NOS1: variants seen among roughly 807,000 people sequenced by gnomAD.
The protein encoded by NOS1 is NOS type I.
A neutral mutation model predicts 164.5 loss-of-function variants in NOS1; 51 were observed. The observed-to-expected ratio is 0.31, with a 90% CI of 0.25 to 0.39. The LOEUF is 0.39. NOS1 is among the 10% of genes least tolerant of loss of function. The pLI is 1.00. For missense variants in NOS1, 1,362 were observed against 1,885.6 expected (o/e 0.72, Z 5.14); for synonymous variants, 719 against 745.8 (o/e 0.96, Z 0.59).
At position 117,234,572 on chromosome 12, in the gene NOS1, C is replaced by T. The variant is rs749542422; in HGVS notation, c.3228G>A (p.Thr1076=). The change falls in exon 21 of 29, where the codon ACG becomes ACA. Residue 1076 remains threonine, a synonymous_variant. Coordinates refer to ENST00000317775, the MANE Select transcript of NOS1 (RefSeq NM_000620.5). This position sits in a 1 kb window ranked among gnomAD's most constrained non-coding sequence, Gnocchi z 4.3. The part of the protein sequence containing the change: ...VKVELLEERN[T]ALGVISNWTD... ...GGTCCCCGGGAATGTTACCTAAAGC[C>T]GTGTTCCGCTCCTCCAGCAGTTCCA... 2.4e-5 allele frequency: 38 copies of T among 1,613,222 alleles called. No individual in the cohort carries two copies. Among genetic ancestry groups the T allele is most frequent in the Non-Finnish European group, 2.9e-5 (34 of 1,179,482 alleles).
chr12:117,249,949 G>A (rs1870957196), intron 17 of NOS1, among the ~76,000 whole-genome samples: 2 of 152,158 alleles, frequency 1.3e-5, no homozygotes, highest in East Asian at 3.9e-4. Flanking sequence ...CACTTTTTAA[G>A]GTCAGAGTGT....
intron 4 of NOS1, among the ~76,000 whole-genome samples, chr12:117,289,192 G>A (rs1872892142): frequency 6.6e-6 from 1 of 152,204 alleles, no homozygotes; most frequent in Admixed American, 6.5e-5. Flanking sequence ...AGGACACACT[G>A]TGAAATCAAG....
chr12:117,224,757 T>C (rs1284003125), intron 25 of NOS1, among the ~76,000 whole-genome samples: 1 of 152,262 alleles, frequency 6.6e-6, no homozygotes, highest in Non-Finnish European at 1.5e-5. Flanking sequence ...TCCAGGCTAC[T>C]GGATTTTTTT....
intron 3 of NOS1, among the ~76,000 whole-genome samples, chr12:117,302,697 A>C (rs2136044671): frequency 6.6e-6 from 1 of 152,232 alleles, no homozygotes; most frequent in East Asian, 1.9e-4. Context: ...CCAAGGGTTA[A>C]AATGGCTACA....
At chr12:117,230,719 C>T (rs1046156058) in intron 22 of NOS1, among the ~76,000 whole-genome samples, 1 of 152,214 alleles carries the variant, frequency 6.6e-6, no homozygotes, top group East Asian at 1.9e-4. Context: ...GTAGAGGCTA[C>T]ATTTGGTTCA....
chr12:117,292,884 A>G (rs927712013), intron 3 of NOS1, among the ~76,000 whole-genome samples: 2 of 152,188 alleles, frequency 1.3e-5, no homozygotes, highest in African/African-American at 4.8e-5. Context: ...CGAAAACTGA[A>G]TGAGCCATTG....
intron 8 of NOS1, among the ~76,000 whole-genome samples, chr12:117,279,950 G>A (rs1169557061): frequency 2.0e-5 from 3 of 152,234 alleles, no homozygotes; most frequent in Non-Finnish European, 2.9e-5. Flanking sequence ...GGTACCACCC[G>A]GGAGGGGCTT....
intron 25 of NOS1, among the ~76,000 whole-genome samples, chr12:117,223,917 G>A (rs1014467402): frequency 6.6e-6 from 1 of 152,236 alleles, no homozygotes; most frequent in South Asian, 2.1e-4. Flanking sequence ...GCCTTCCAAA[G>A]TGCTGGGATT....
At chr12:117,301,982 T>C in intron 3 of NOS1, 2 of 456,710 alleles carry the variant, frequency 4.4e-6, no homozygotes, top group Middle Eastern at 3.3e-4. Context: ...CAGGGCTCCA[T>C]GGCCTGGGTT....
intron 7 of NOS1, among the ~76,000 whole-genome samples, chr12:117,282,542 G>A (rs1873757261): frequency 6.6e-6 from 1 of 152,160 alleles, no homozygotes. Context: ...TAGTTTCATA[G>A]AGCCTTCTTT....
chr12:117,289,565 A>T (rs2136024502), intron 4 of NOS1, among the ~76,000 whole-genome samples: 1 of 152,338 alleles, frequency 6.6e-6, no homozygotes, highest in South Asian at 2.1e-4. Context: ...CAGAACGTGC[A>T]GGTTTGTTAC....
At chr12:117,295,760 C>T (rs1315087805) in intron 3 of NOS1, among the ~76,000 whole-genome samples, 15 of 151,258 alleles carry the variant, frequency 9.9e-5, no homozygotes, top group African/African-American at 3.6e-4. Flanking sequence ...GCTGGGATTA[C>T]AGGCATGCAC....
At position 117,247,590 on chromosome 12, in the gene NOS1, T is replaced by C; in HGVS notation, c.2649-68A>G. On this transcript the variant is annotated intron_variant, in intron 17 of 28. Coordinates refer to ENST00000317775, the MANE Select transcript of NOS1 (RefSeq NM_000620.5). The stretch of plus-strand genomic sequence containing the variant: ...GGAATGTGGGGAGTGTCTGGTGTAA[T>C]GGGCTAAACTGTGTCCCCCCAAATT... 2.2e-6 allele frequency: 3 copies of C among 1,390,516 alleles called. No homozygotes were observed. The Admixed American group carries it at 7.5e-5, about 35-fold the overall frequency. 86.1% of individuals were successfully genotyped at this position (1,390,516 alleles called of 1,614,324 possible).
intron 17 of NOS1, among the ~76,000 whole-genome samples, chr12:117,247,907 C>T (rs1415528337): frequency 6.7e-6 from 1 of 149,592 alleles, no homozygotes; most frequent in Non-Finnish European, 1.5e-5. Context: ...GATAGCGCCA[C>T]TGCACTCCAG....
At chr12:117,317,300 T>C (rs1395789339) in intron 2 of NOS1, among the ~76,000 whole-genome samples, 1 of 151,760 alleles carries the variant, frequency 6.6e-6, no homozygotes, top group Non-Finnish European at 1.5e-5. Flanking sequence ...TCATGAGTCT[T>C]GGTCTTGCCC....
At chr12:117,339,164 C>G (rs1796326317) in intron 1 of NOS1, among the ~76,000 whole-genome samples, 1 of 152,186 alleles carries the variant, frequency 6.6e-6, no homozygotes, top group African/African-American at 2.4e-5. Flanking sequence ...ACCCACAAGT[C>G]CCCACAAATC....
In NOS1 at chr12:117,215,233, G is replaced by T; in HGVS notation, c.*76C>A. The T allele has an allele frequency of 1.4e-6, 2 of 1,424,872 alleles. No homozygotes were observed. The highest frequency in any genetic ancestry group is 1.8e-5 in the South Asian group (1 of 57,118). 88.3% of individuals were successfully genotyped at this position (1,424,872 alleles called of 1,614,324 possible). A position where few individuals can be genotyped will look rare whatever the true frequency, so the allele number is the denominator to read the frequency against. ...ACAGGAGGCAGAGCGAGGGCCACAG[G>T]GGGTCCCAGAGGAAAGGTTCAGCAG... is the stretch of plus-strand genomic sequence containing the variant. On this transcript the variant is annotated 3_prime_UTR_variant, in exon 29 of 29. Coordinates refer to ENST00000317775, the MANE Select transcript of NOS1 (RefSeq NM_000620.5).
intron 16 of NOS1, among the ~76,000 whole-genome samples, chr12:117,258,095 G>A (rs748663348): frequency 1.2e-4 from 19 of 152,024 alleles, no homozygotes; most frequent in Admixed American, 1.3e-4. Context: ...GAGCCACCAC[G>A]CCCAGCACAC....
chr12:117,311,656 CCTGGAAGTCCTGAGT>C, intron 2 of NOS1, 64 bp from the exon 3 acceptor site: 1 of 1,547,682 alleles, frequency 6.5e-7, no homozygotes, highest in Non-Finnish European at 8.8e-7. Flanking sequence ...GTTGCTTTGA[CCTGGAAGTCCTGAGT>C]CTGTACAGAA....
Sources: gnomAD v4.1 joint callset for allele counts (sites outside exome capture counted in the v4.1 genomes callset) on GRCh38, gnomAD v4.1.1 for gene constraint, Gnocchi (gnomAD v3.1) non-coding constraint, MANE v1.5 for transcripts, NCBI Gene and HGNC (gene_info 2026-07-23, HGNC 2026-07-21) for gene names.